FAM120B: variants seen among roughly 807,000 people sequenced by gnomAD.
FAM120B encodes family with sequence similarity 120 member B.
A neutral mutation model predicts 96.3 loss-of-function variants in FAM120B; 83 were observed. The ratio of observed to expected loss-of-function variants is 0.86; its 90% confidence interval spans 0.72 to 1.03. The LOEUF (loss-of-function observed/expected upper bound fraction) is 1.03. FAM120B is among the 50% of genes least tolerant of loss of function. The probability of loss-of-function intolerance (pLI) is 0.00; values close to 1 mark genes in which losing one functional copy is unlikely to be tolerated. For synonymous variants in FAM120B, 407 were observed against 402.7 expected (o/e 1.01, Z -0.13); for missense variants, 1,027 against 1,121.2 (o/e 0.92, Z 1.20).
intron 4 of FAM120B, among the ~76,000 whole-genome samples, chr6:170,342,075 G>A (rs1786876416): frequency 6.6e-6 from 1 of 152,236 alleles, no homozygotes; most frequent in Non-Finnish European, 1.5e-5. Context: ...TTGGAGTCCA[G>A]TGTTTGAGGG....
At chr6:170,360,978 G>A (rs1788320655) in intron 6 of FAM120B, among the ~76,000 whole-genome samples, 2 of 151,806 alleles carry the variant, frequency 1.3e-5, no homozygotes, top group South Asian at 4.2e-4. Flanking sequence ...TCACGTTGCA[G>A]TCGTATTGCA....
At position 170,400,619 on chromosome 6, in the gene FAM120B, A is replaced by G. The variant is rs2115344733; in HGVS notation, c.2693-3931A>G. ...GCTGCAGGGACGGCACCTCCACAGC[A>G]CCAGCATCCAGGCAGAGGGGATCGT... On this transcript the variant is annotated intron_variant, in intron 9 of 10. Coordinates refer to ENST00000476287, the MANE Select transcript of FAM120B (RefSeq NM_032448.3). Among the ~76,000 whole-genome samples, 2 of 152,330 alleles carry G rather than the reference A, an allele frequency of 1.3e-5. 1 individual carries two copies. Among genetic ancestry groups the G allele is most frequent in the South Asian group, 4.1e-4 (2 of 4,832 alleles).
intron 2 of FAM120B, among the ~76,000 whole-genome samples, chr6:170,322,745 G>C (rs1785374929): frequency 6.6e-6 from 1 of 152,142 alleles, no homozygotes; most frequent in Non-Finnish European, 1.5e-5. Flanking sequence ...GGAGAAACTG[G>C]TCTAGGGGAT....
chr6:170,377,212 G>T, intron 6 of FAM120B, among the ~76,000 whole-genome samples: 1 of 101,368 alleles, frequency 9.9e-6, no homozygotes, highest in African/African-American at 4.8e-5. Context: ...CACGCTGCTC[G>T]GTGCTGTGCA....
chr6:170,313,216 C>G (rs577685572), intron 1 of FAM120B, among the ~76,000 whole-genome samples: 2 of 152,168 alleles, frequency 1.3e-5, no homozygotes, highest in African/African-American at 4.8e-5. Flanking sequence ...TGTGTGCTGG[C>G]AAGGGATAAA....
intron 6 of FAM120B, among the ~76,000 whole-genome samples, chr6:170,360,544 G>C (rs145835501): frequency 1.3e-5 from 2 of 152,138 alleles, no homozygotes; most frequent in Non-Finnish European, 2.9e-5. Context: ...CCATAAGTAC[G>C]CAGCCATCAC....
At chr6:170,305,153 C>T (rs905992293), upstream of FAM120B, among the ~76,000 whole-genome samples, 6 of 152,068 alleles carry the variant, frequency 3.9e-5, no homozygotes, top group Non-Finnish European at 7.4e-5. Context: ...GGATTAATTT[C>T]AACCTATGAA....
chr6:170,360,382 G>C (rs186218052), intron 6 of FAM120B, among the ~76,000 whole-genome samples: 1 of 152,340 alleles, frequency 6.6e-6, no homozygotes, highest in East Asian at 1.9e-4. Context: ...CCCCGTGGAT[G>C]TGCACACCCT....
intron 3 of FAM120B, among the ~76,000 whole-genome samples, chr6:170,323,675 C>T (rs530328668): frequency 3.9e-4 from 60 of 152,214 alleles, no homozygotes; most frequent in Admixed American, 7.2e-4. Flanking sequence ...TTTACAAAAT[C>T]TAGTGATCAT....
chr6:170,309,383 G>A lies in FAM120B; in HGVS notation c.-22+2541G>A, dbSNP rs1257193182. Reference sequence around the variant, plus strand: ...AATAAGGACATCAGTGATGTACAAAGAGGTTAAATGATTTGTCTTCAGCTG... The same window carrying A: ...AATAAGGACATCAGTGATGTACAAAAAGGTTAAATGATTTGTCTTCAGCTG... On this transcript the variant is annotated intron_variant, in intron 1 of 10. Transcript: ENST00000476287. 2.6e-5 allele frequency among the ~76,000 whole-genome samples: 4 copies of A among 152,266 alleles called. No individual in the cohort carries two copies. The East Asian group carries it at 7.7e-4, about 29-fold the overall frequency.
chr6:170,376,161 G>A (rs995541602), intron 6 of FAM120B, among the ~76,000 whole-genome samples: 2 of 152,130 alleles, frequency 1.3e-5, no homozygotes, highest in Non-Finnish European at 2.9e-5. Context: ...GGAGGCCCTA[G>A]TGTGGTTACT....
intron 6 of FAM120B, among the ~76,000 whole-genome samples, chr6:170,359,635 CATT>C (rs1788210372): frequency 1.3e-5 from 2 of 152,204 alleles, no homozygotes; most frequent in South Asian, 2.1e-4. Flanking sequence ...GACGACATCT[CATT>C]ATGTTGCCCA....
At chr6:170,297,631 G>C (rs1784046765) in intron 1 of FAM120B, among the ~76,000 whole-genome samples, 1 of 152,102 alleles carries the variant, frequency 6.6e-6, no homozygotes, top group African/African-American at 2.4e-5. Flanking sequence ...GGCTGCACTG[G>C]GCGTGGGTTA....
chr6:170,405,343 T>C lies in FAM120B; in HGVS notation c.*592T>C, dbSNP rs1184196416. 1.3e-5 allele frequency: 2 copies of C among 152,222 alleles called. No individual in the cohort carries two copies. The highest frequency in any genetic ancestry group is 4.8e-5 in the African/African-American group (2 of 41,456). 9.4% of individuals were successfully genotyped at this position (152,222 alleles called of 1,614,324 possible). ...TAATAAAAGCTATGTGAATGTGGTC[T>C]CTGTCAAAATATCGTGCTGTAATCA... On this transcript the variant is annotated 3_prime_UTR_variant, in exon 11 of 11. Coordinates refer to ENST00000476287, the MANE Select transcript of FAM120B (RefSeq NM_032448.3).
intron 8 of FAM120B, among the ~76,000 whole-genome samples, chr6:170,395,087 T>G (rs1246862481): frequency 6.6e-6 from 1 of 152,164 alleles, no homozygotes; most frequent in East Asian, 1.9e-4. Flanking sequence ...TTGTGGAGAA[T>G]GGGGAGAAGC....
chr6:170,383,703 G>A (rs1437741978), intron 6 of FAM120B, among the ~76,000 whole-genome samples: 1 of 152,214 alleles, frequency 6.6e-6, no homozygotes, highest in Non-Finnish European at 1.5e-5. Flanking sequence ...CATGGCTGGT[G>A]TCGGTCACTC....
At chr6:170,329,994 C>G (rs1290346512) in intron 3 of FAM120B, among the ~76,000 whole-genome samples, 2 of 152,178 alleles carry the variant, frequency 1.3e-5, no homozygotes, top group African/African-American at 4.8e-5. Context: ...CCCTTAAGCA[C>G]CTGTTCTCTG....
intron 9 of FAM120B, among the ~76,000 whole-genome samples, chr6:170,402,115 G>T (rs770168804): frequency 3.3e-5 from 5 of 152,258 alleles, no homozygotes; most frequent in Non-Finnish European, 5.9e-5. Flanking sequence ...GCACGTCCCA[G>T]GATGGACCTA....
chr6:170,311,484 C>T (rs2024694), intron 1 of FAM120B, among the ~76,000 whole-genome samples: 15,988 of 152,200 alleles, frequency 0.11, 1,255 homozygotes, highest in African/African-American at 0.22. Context: ...AAAAAGATAC[C>T]TTGCAGACCT....
Sources: allele counts gnomAD v4.1 joint callset (sites outside exome capture counted in the v4.1 genomes callset), GRCh38; gene constraint gnomAD v4.1.1; transcripts MANE v1.5; gene names NCBI Gene and HGNC (gene_info 2026-07-23, HGNC 2026-07-21).